The following SEC24D variants were observed in gnomAD, a reference collection of about 807,000 sequenced individuals.
SEC24D encodes the protein SEC24 homolog D, COPII component.
In SEC24D, 69 loss-of-function variants were observed where a neutral mutation model predicts 116.9. The ratio of observed to expected loss-of-function variants is 0.59; its 90% CI spans 0.49 to 0.72. SEC24D has a LOEUF of 0.72. SEC24D is among the 30% of genes least tolerant of loss of function. The probability of loss-of-function intolerance (pLI) is 0.00; values close to 1 mark genes in which losing one functional copy is unlikely to be tolerated. For missense variants in SEC24D, 1,131 were observed against 1,264.1 expected, an observed-to-expected ratio of 0.89 and a Z score of 1.60; for synonymous variants, 405 against 442.8, an observed-to-expected ratio of 0.91 and a Z score of 1.07.
Position 118,817,421 on chromosome 4 carries a change from G to C in SEC24D, c.249-9C>G, listed in dbSNP as rs754220090. On this transcript the variant is annotated splice_polypyrimidine_tract_variant and intron_variant, in intron 3 of 22. Transcript: ENST00000280551. ...GTGGAGGGCCTGGAAATCTGAGAGA[G>C]GAAAACAGGATGTCAAACAATATCA... The C allele has an allele frequency of 6.3e-6, 10 of 1,599,506 alleles. No individual in the cohort carries two copies. In the South Asian group the frequency reaches 1.1e-4, roughly 18 times the overall value.
intron 7 of SEC24D, among the ~76,000 whole-genome samples, chr4:118,803,994 A>G (rs1366538613): frequency 6.6e-6 from 1 of 152,184 alleles, no homozygotes; most frequent in Non-Finnish European, 1.5e-5. Flanking sequence ...TACTGAATAA[A>G]CATTTTCTGG....
chr4:118,780,296 TTG>T (rs1450804940), intron 8 of SEC24D, among the ~76,000 whole-genome samples: 4 of 152,176 alleles, frequency 2.6e-5, no homozygotes, highest in African/African-American at 7.2e-5. Flanking sequence ...TTCTGGCACA[TTG>T]TGTCTTTGTT....
In SEC24D at chr4:118,744,168, A is replaced by G; in HGVS notation, c.1825-10T>C. On this transcript the variant is annotated splice_polypyrimidine_tract_variant and intron_variant, in intron 14 of 22. Transcript: ENST00000280551. ...GGGGCTGGAAAAGTATCTGGAAAAA[A>G]GATGCAAAAAAAAAGAAAAAATAAA... 1.3e-6 allele frequency: 2 copies of G among 1,524,392 alleles called. No individual in the cohort carries two copies. Among genetic ancestry groups the G allele is most frequent in the Non-Finnish European group, 1.8e-6 (2 of 1,133,648 alleles). The allele number at this position is 1,524,392 out of a possible 1,614,324, so 94.4% of individuals were successfully genotyped here.
chr4:118,820,422 G>A (rs548208327), intron 3 of SEC24D, among the ~76,000 whole-genome samples: 1 of 152,128 alleles, frequency 6.6e-6, no homozygotes, highest in South Asian at 2.1e-4. Flanking sequence ...CTCGTGATCC[G>A]CCCGCCTTGG....
At chr4:118,791,326 A>G (rs1301703199) in intron 8 of SEC24D, among the ~76,000 whole-genome samples, 2 of 152,088 alleles carry the variant, frequency 1.3e-5, no homozygotes, top group Non-Finnish European at 2.9e-5. Context: ...AATGAGTAAC[A>G]GCGCAGTGCT....
In SEC24D at chr4:118,728,599, T is replaced by TTTGA. The variant is rs1378396530; in HGVS notation, c.2919_2920insTCAA (p.Met974SerfsTer60). The stretch of plus-strand genomic sequence containing the variant: ...GGCCTCTTTTGTTGGATAATACCCA[T>TTTGA]TATCATTCTGAGTTGTTGAGAGTAT... On this transcript the variant is annotated frameshift_variant, in exon 22 of 23. Transcript: ENST00000280551. LOFTEE classifies it high-confidence loss of function. 8 of 1,610,692 alleles carry TTTGA rather than the reference T, an allele frequency of 5.0e-6. No homozygotes were observed. The highest frequency in any genetic ancestry group is 6.8e-6 in the Non-Finnish European group (8 of 1,177,742).
At chr4:118,780,907 C>CTTTTTTTTTTTTT (rs143712578) in intron 8 of SEC24D, among the ~76,000 whole-genome samples, 6 of 61,834 alleles carry the variant, frequency 9.7e-5, no homozygotes, top group Non-Finnish European at 1.5e-4. Flanking sequence ...GCAACCCCTG[C>CTTTTTTTTTTTTT]TTTTTTTTTT....
chr4:118,747,104 C>T (rs752864558), intron 13 of SEC24D, among the ~76,000 whole-genome samples: 2 of 152,000 alleles, frequency 1.3e-5, no homozygotes, highest in South Asian at 2.1e-4. Flanking sequence ...GGTATATGTA[C>T]GCTGCATAGG....
At chr4:118,743,855 T>C (rs1726357043) in intron 15 of SEC24D, 133 bp downstream of exon 15, 5 of 795,916 alleles carry the variant, frequency 6.3e-6, no homozygotes, top group Non-Finnish European at 9.6e-6. Context: ...ACGGTATACT[T>C]TGTTTTCCAT....
At chr4:118,800,836 C>T (rs2110509177) in intron 7 of SEC24D, among the ~76,000 whole-genome samples, 1 of 152,256 alleles carries the variant, frequency 6.6e-6, no homozygotes, top group East Asian at 1.9e-4. Flanking sequence ...GCAAAAGTGG[C>T]ATTAGAACCA....
At chr4:118,741,297 G>A (rs1578387018) in intron 15 of SEC24D, among the ~76,000 whole-genome samples, 1 of 152,116 alleles carries the variant, frequency 6.6e-6, no homozygotes, top group East Asian at 1.9e-4. Flanking sequence ...AATTGCAAAT[G>A]GGAAAATTAA....
intron 8 of SEC24D, among the ~76,000 whole-genome samples, 191 bp from the exon 9 acceptor site, chr4:118,768,502 C>T (rs1727750685): frequency 1.3e-5 from 2 of 149,572 alleles, no homozygotes; most frequent in Non-Finnish European, 3.0e-5. Context: ...TCAAGCGATT[C>T]TCCTGCCTCA....
intron 3 of SEC24D, among the ~76,000 whole-genome samples, chr4:118,819,530 CAAAA>C (rs373794417): frequency 1.6e-5 from 1 of 60,928 alleles, no homozygotes; most frequent in Non-Finnish European, 3.4e-5. Context: ...GACCCCGTCT[CAAAA>C]AAAAAAAAAA....
chr4:118,830,962 A>G (rs1051379463), intron 2 of SEC24D, among the ~76,000 whole-genome samples: 1 of 152,186 alleles, frequency 6.6e-6, no homozygotes, highest in African/African-American at 2.4e-5. Flanking sequence ...AGCTGTTTAC[A>G]ATCACTCCAA....
chr4:118,802,209 G>C (rs745334336), intron 7 of SEC24D, among the ~76,000 whole-genome samples: 1 of 152,200 alleles, frequency 6.6e-6, no homozygotes, highest in Non-Finnish European at 1.5e-5. Flanking sequence ...GGGTCTTAAA[G>C]GATGGGAACC....
At chr4:118,832,573 C>T (rs1370885985) in intron 2 of SEC24D, among the ~76,000 whole-genome samples, 1 of 151,998 alleles carries the variant, frequency 6.6e-6, no homozygotes, top group African/African-American at 2.4e-5. Context: ...TGTTTTTTGC[C>T]TTCTTGAGAG....
At chr4:118,780,903 CCT>C (rs1491257531) in intron 8 of SEC24D, among the ~76,000 whole-genome samples, 2 of 146,016 alleles carry the variant, frequency 1.4e-5, no homozygotes, top group Non-Finnish European at 3.0e-5. Context: ...GATTGCAACC[CCT>C]GCTTTTTTTT....
chr4:118,726,840 G>A (rs1193012964), intron 22 of SEC24D, among the ~76,000 whole-genome samples: 1 of 152,106 alleles, frequency 6.6e-6, no homozygotes, highest in Non-Finnish European at 1.5e-5. Flanking sequence ...GACTGTTTTT[G>A]AAAAAGTAAT....
chr4:118,771,317 C>T (rs1727890468), intron 8 of SEC24D, among the ~76,000 whole-genome samples: 2 of 152,034 alleles, frequency 1.3e-5, no homozygotes, highest in African/African-American at 4.8e-5. Context: ...CTTAGTATAT[C>T]CCTGTCTGCC....
Sources: allele counts gnomAD v4.1 joint callset (sites outside exome capture counted in the v4.1 genomes callset), GRCh38; gene constraint gnomAD v4.1.1; transcripts MANE v1.5; gene names NCBI Gene and HGNC (gene_info 2026-07-23, HGNC 2026-07-21).